Variants in PPP1R21 observed in about 807,000 individuals in gnomAD.
The protein encoded by PPP1R21 is protein phosphatase 1 regulatory subunit 21, also known as KLRAQ motif containing 1.
In PPP1R21, 85 loss-of-function variants were observed where a neutral mutation model predicts 112.8. The ratio of observed to expected loss-of-function variants is 0.75; its 90% CI spans 0.63 to 0.90. The LOEUF is 0.90. Ranked by LOEUF, PPP1R21 falls within the 40% of genes least tolerant of loss-of-function variation. PPP1R21 has a pLI of 0.00. For missense variants in PPP1R21, 1,199 were observed against 901.5 expected (o/e 1.33, Z -4.23); for synonymous variants, 381 against 322.3 (o/e 1.18, Z -1.95).
At position 48,461,216 on chromosome 2, in the gene PPP1R21, A is replaced by G. The variant is rs375478831; in HGVS notation, c.678A>G (p.Val226=). The change falls in exon 7 of 22, where the codon GTA becomes GTG. Residue 226 remains valine, a synonymous_variant. Coordinates refer to ENST00000294952, the MANE Select transcript of PPP1R21 (RefSeq NM_001135629.3). ...CCTTATCAATCATCAATGAAAAAGT[A>G]CCTTTTAATGATACAAGTAGGTATT... ...EESLSIINEK[V]PFNDTKYSQY... is the part of the protein sequence containing the mutation. The G allele has an allele frequency of 3.9e-5, 62 of 1,580,422 alleles. No homozygotes were observed. The highest frequency in any genetic ancestry group is 5.1e-5 in the Non-Finnish European group (60 of 1,169,346).
intron 15 of PPP1R21, among the ~76,000 whole-genome samples, chr2:48,494,331 G>A (rs1300968107): frequency 6.8e-6 from 1 of 146,896 alleles, no homozygotes; most frequent in Non-Finnish European, 1.5e-5. Context: ...TCATAGCTTA[G>A]CCTAGCCTGC....
At chr2:48,453,976 T>G (rs142640693) in intron 2 of PPP1R21, among the ~76,000 whole-genome samples, 4 of 151,778 alleles carry the variant, frequency 2.6e-5, no homozygotes, top group African/African-American at 7.2e-5. Flanking sequence ...TATCTAAGTT[T>G]GGCCAGGCAT....
At chr2:48,488,084 C>T (rs1669390987) in intron 14 of PPP1R21, among the ~76,000 whole-genome samples, 1 of 152,146 alleles carries the variant, frequency 6.6e-6, no homozygotes, top group African/African-American at 2.4e-5. Context: ...GATCATAGAT[C>T]ATGTTAGACA....
At position 48,460,122 on chromosome 2, in the gene PPP1R21, G is replaced by A; in HGVS notation, c.568G>A (p.Ala190Thr). The A allele has an allele frequency of 6.2e-7, 1 of 1,614,126 alleles. No individual in the cohort carries two copies. Among genetic ancestry groups the A allele is most frequent in the Non-Finnish European group, 8.5e-7 (1 of 1,180,020 alleles). Residue 190 changes from alanine (A) to threonine (T), a missense_variant, in exon 6 of 22, where the codon GCC (alanine) becomes ACC (threonine). Coordinates refer to ENST00000294952, the MANE Select transcript of PPP1R21 (RefSeq NM_001135629.3). ...GAAATCTCAGACTCTAGAAAAGGAA[G>A]CCAAGGAATGTCGACTTCGAACGGA... Reference protein sequence around the residue: ...EVKSQTLEKEAKECRLRTEEC... With the variant: ...EVKSQTLEKETKECRLRTEEC...
chr2:48,494,378 T>A (rs768399480), intron 15 of PPP1R21, among the ~76,000 whole-genome samples: 7 of 151,486 alleles, frequency 4.6e-5, no homozygotes, highest in Non-Finnish European at 7.4e-5. Flanking sequence ...TAGCCTACAC[T>A]TGGGCAAGTC....
At chr2:48,488,132 G>C (rs1194322148) in intron 14 of PPP1R21, among the ~76,000 whole-genome samples, 5 of 152,124 alleles carry the variant, frequency 3.3e-5, no homozygotes, top group Non-Finnish European at 7.3e-5. Flanking sequence ...CTGGCTTTGT[G>C]ACCACTTGCT....
At chr2:48,495,454 G>C (rs1486854434) in intron 15 of PPP1R21, among the ~76,000 whole-genome samples, 1 of 152,042 alleles carries the variant, frequency 6.6e-6, no homozygotes, top group African/African-American at 2.4e-5. Context: ...CGCTCGCCTC[G>C]ACCTCCCAAA....
chr2:48,477,640 C>T (rs769607217), intron 12 of PPP1R21, among the ~76,000 whole-genome samples: 2 of 148,726 alleles, frequency 1.3e-5, no homozygotes, highest in Admixed American at 6.7e-5. Context: ...TAGCAAATTT[C>T]GAGATTAGGA....
At chr2:48,487,885 A>G (rs1233700694) in intron 14 of PPP1R21, among the ~76,000 whole-genome samples, 3 of 152,168 alleles carry the variant, frequency 2.0e-5, no homozygotes, top group Non-Finnish European at 4.4e-5. Flanking sequence ...TTTTCTGAGA[A>G]CATCCTACAT....
chr2:48,451,128 C>G, intron 2 of PPP1R21, 52 bp downstream of exon 2: 1 of 1,467,558 alleles, frequency 6.8e-7, no homozygotes, highest in Non-Finnish European at 9.6e-7. Context: ...TTTGGTGTTG[C>G]TCAAAGCAGG....
intron 14 of PPP1R21, among the ~76,000 whole-genome samples, chr2:48,488,762 A>G (rs760349632): frequency 2.6e-5 from 4 of 152,258 alleles, no homozygotes; most frequent in Admixed American, 6.5e-5. Context: ...GTTAGTTGGT[A>G]TCAGCTTAAT....
At chr2:48,510,362 C>T (rs1670582657) in intron 20 of PPP1R21, among the ~76,000 whole-genome samples, 2 of 152,138 alleles carry the variant, frequency 1.3e-5, no homozygotes, top group Admixed American at 1.3e-4. Flanking sequence ...TACTTATTTA[C>T]CCAGAATTTT....
At chr2:48,442,478 T>C (rs989901498) in intron 1 of PPP1R21, among the ~76,000 whole-genome samples, 33 of 151,980 alleles carry the variant, frequency 2.2e-4, no homozygotes, top group African/African-American at 8.0e-4. Flanking sequence ...AACTGAAAAG[T>C]TTTTGGATAT....
chr2:48,471,172 A>G lies in PPP1R21; in HGVS notation c.983A>G (p.Asp328Gly), dbSNP rs1668480505. 3 of 1,611,866 alleles carry G rather than the reference A, an allele frequency of 1.9e-6. No individual in the cohort carries two copies. In the East Asian group the frequency reaches 6.7e-5, roughly 36 times the overall value. Residue 328 changes from aspartate to glycine, a missense_variant, in exon 10 of 22, where the codon GAT becomes GGT. Transcript: ENST00000294952. ...CATTTATTTGAAAGTATCACTGAGG[A>G]TACTGTGACTGTCTTGGTAATTTTC... Reference protein sequence around the residue: ...MLHLFESITEDTVTVLETTVK... With the variant: ...MLHLFESITEGTVTVLETTVK...
In PPP1R21 at chr2:48,459,741, C is replaced by T; in HGVS notation, c.376-13C>T. On this transcript the variant is annotated splice_polypyrimidine_tract_variant and intron_variant, in intron 4 of 21. Coordinates refer to ENST00000294952, the MANE Select transcript of PPP1R21 (RefSeq NM_001135629.3). ...GGATATTGTGAGAAGAGAAAATGGT[C>T]TTCTCTTTTTAGTTTTTTGAAGCTG... The T allele has an allele frequency of 6.2e-7, 1 of 1,606,456 alleles. No homozygotes were observed. The highest frequency in any genetic ancestry group is 1.3e-5 in the African/African-American group (1 of 74,522).
intron 11 of PPP1R21, 99 bp from the exon 12 acceptor site, chr2:48,474,582 ATC>A (rs1461247846): frequency 2.8e-6 from 3 of 1,060,720 alleles, no homozygotes; most frequent in African/African-American, 1.6e-5. Context: ...TTTCTGCAAT[ATC>A]TCTCTTTGGA....
At chr2:48,502,032 G>A (rs1004111163) in intron 17 of PPP1R21, 1 of 152,054 alleles carries the variant, frequency 6.6e-6, no homozygotes, top group African/African-American at 2.4e-5. Flanking sequence ...CACAATGCTG[G>A]TATATTTGAG....
Position 48,512,630 on chromosome 2 carries a change from A to G in PPP1R21, c.2313+1162A>G, listed in dbSNP as rs144193675. Among the ~76,000 whole-genome samples the G allele has an allele frequency of 1.1e-3, 161 of 152,290 alleles. No individual in the cohort carries two copies. In the Middle Eastern group the frequency reaches 0.014, roughly 13 times the overall value. ...AAAATACGTCATGTTAATGCATTGG[A>G]ATCTGCATTATATATGATTTTGTTT... On this transcript the variant is annotated intron_variant, in intron 21 of 21. Transcript: ENST00000294952.
intron 21 of PPP1R21, among the ~76,000 whole-genome samples, chr2:48,511,751 G>A (rs982930977): frequency 2.0e-5 from 3 of 151,332 alleles, no homozygotes; most frequent in African/African-American, 7.3e-5. Context: ...TGTGCCTGTA[G>A]TCCCAGCTAG....
Sources: gnomAD v4.1 joint callset for allele counts (sites outside exome capture counted in the v4.1 genomes callset) on GRCh38, gnomAD v4.1.1 for gene constraint, MANE v1.5 for transcripts, NCBI Gene and HGNC (gene_info 2026-07-23, HGNC 2026-07-21) for gene names.